SAE1: variants seen among roughly 807,000 people sequenced by gnomAD.
The protein encoded by SAE1 is SUMO1 activating enzyme subunit 1.
A neutral mutation model predicts 40.6 loss-of-function variants in SAE1; 11 were observed. The ratio of observed to expected loss-of-function variants is 0.27; its 90% CI spans 0.17 to 0.45. SAE1 has a LOEUF of 0.45. Among genes scored for constraint, SAE1 ranks in the 20% least tolerant of loss-of-function variants. The probability of loss-of-function intolerance (pLI) is 1.00; values close to 1 mark genes in which losing one functional copy is unlikely to be tolerated. For synonymous variants in SAE1, 155 were observed against 154.3 expected, an observed-to-expected ratio of 1.00 and a Z score of -0.03; for missense variants, 373 against 427.3, an observed-to-expected ratio of 0.87 and a Z score of 1.12.
At chr19:47,171,186 G>A (rs2058429432) in intron 6 of SAE1, among the ~76,000 whole-genome samples, 1 of 151,966 alleles carries the variant, frequency 6.6e-6, no homozygotes, top group South Asian at 2.1e-4. Context: ...TGTTGGCCAG[G>A]TTGGGCTCAC....
intron 7 of SAE1, among the ~76,000 whole-genome samples, chr19:47,200,227 C>G (rs900309912): frequency 2.7e-5 from 4 of 150,940 alleles, no homozygotes; most frequent in African/African-American, 9.7e-5. Context: ...GCCACCACGC[C>G]CAGCCTCTTT....
At chr19:47,150,559 G>T (rs1022157859) in intron 3 of SAE1, among the ~76,000 whole-genome samples, 184 bp downstream of exon 3, 6 of 152,198 alleles carry the variant, frequency 3.9e-5, no homozygotes, top group Non-Finnish European at 8.8e-5. Flanking sequence ...TGTTGCTAGA[G>T]AGGTCCAGTC....
chr19:47,149,692 T>C (rs2058275727), intron 2 of SAE1, among the ~76,000 whole-genome samples: 1 of 152,176 alleles, frequency 6.6e-6, no homozygotes, highest in African/African-American at 2.4e-5. Context: ...GGGGGTGCTC[T>C]TTAACCATCA....
At chr19:47,202,026 G>A (rs10424953) in intron 7 of SAE1, among the ~76,000 whole-genome samples, 45,019 of 151,962 alleles carry the variant, frequency 0.3, 6,799 homozygotes, top group South Asian at 0.43. Flanking sequence ...TGCTGGTCCT[G>A]GCCAGGGCGT....
At chr19:47,177,501 G>T (rs922352415) in intron 6 of SAE1, among the ~76,000 whole-genome samples, 8 of 152,068 alleles carry the variant, frequency 5.3e-5, no homozygotes, top group African/African-American at 1.9e-4. Flanking sequence ...TGGGACTACA[G>T]GCGTGTGCCA....
At chr19:47,172,833 G>A (rs8102394) in intron 6 of SAE1, among the ~76,000 whole-genome samples, 3 of 151,606 alleles carry the variant, frequency 2.0e-5, no homozygotes, top group Non-Finnish European at 4.4e-5. Flanking sequence ...TCTAGGACTT[G>A]CTCTGTGCCG....
At chr19:47,152,872 C>A in intron 3 of SAE1, 26 bp from the exon 4 acceptor site, 2 of 1,608,358 alleles carry the variant, frequency 1.2e-6, no homozygotes, top group East Asian at 2.2e-5. Context: ...AAAACTCAAA[C>A]CCAGCCAATT....
chr19:47,210,392 T>A lies in SAE1; in HGVS notation c.*1141T>A, dbSNP rs1208434604. 1 of 152,164 alleles carries A rather than the reference T, an allele frequency of 6.6e-6. No homozygotes were observed. Among genetic ancestry groups the A allele is most frequent in the Non-Finnish European group, 1.5e-5 (1 of 68,034 alleles). 9.4% of individuals were successfully genotyped at this position (152,164 alleles called of 1,614,324 possible). On this transcript the variant is annotated 3_prime_UTR_variant, in exon 9 of 9. Coordinates refer to ENST00000270225, the MANE Select transcript of SAE1 (RefSeq NM_005500.3). The stretch of plus-strand genomic sequence containing the variant: ...GTAGAAGCTTCTGGCTCCAGTTGTC[T>A]AATGGATAATTCAGCTAAATAGTGG...
chr19:47,179,510 A>G (rs1600191810), intron 6 of SAE1, among the ~76,000 whole-genome samples: 1 of 151,948 alleles, frequency 6.6e-6, no homozygotes, highest in African/African-American at 2.4e-5. Context: ...AGAAAAAAAA[A>G]AAAAGAAAAA....
chr19:47,164,639 C>CTTTTT (rs1166301382), intron 5 of SAE1, among the ~76,000 whole-genome samples: 6 of 78,390 alleles, frequency 7.7e-5, no homozygotes, highest in Non-Finnish European at 9.8e-5. Context: ...GAGAATTCAC[C>CTTTTT]TTTTTTTTTT....
At chr19:47,202,219 A>G (rs2058659601) in intron 7 of SAE1, among the ~76,000 whole-genome samples, 1 of 152,184 alleles carries the variant, frequency 6.6e-6, no homozygotes, top group Non-Finnish European at 1.5e-5. Context: ...AACAGCTTAA[A>G]TGTCCCTCAA....
At chr19:47,200,399 A>ATTT (rs35657499) in intron 7 of SAE1, among the ~76,000 whole-genome samples, 64 of 102,526 alleles carry the variant, frequency 6.2e-4, no homozygotes, top group African/African-American at 1.5e-3. Context: ...AGCCTGCCTA[A>ATTT]TTTTTTTTTT....
At chr19:47,163,328 A>G (rs1275346691) in intron 5 of SAE1, among the ~76,000 whole-genome samples, 1 of 152,198 alleles carries the variant, frequency 6.6e-6, no homozygotes, top group Non-Finnish European at 1.5e-5. Context: ...TCTGTACCAA[A>G]CATGTACAGA....
intron 2 of SAE1, among the ~76,000 whole-genome samples, chr19:47,145,188 G>T (rs1434607785): frequency 6.6e-6 from 1 of 152,076 alleles, no homozygotes; most frequent in Non-Finnish European, 1.5e-5. Flanking sequence ...TTTTAGTAGA[G>T]ACCGGGTTTC....
At chr19:47,159,098 G>C (rs1434727702) in intron 5 of SAE1, among the ~76,000 whole-genome samples, 1 of 152,154 alleles carries the variant, frequency 6.6e-6, no homozygotes, top group Non-Finnish European at 1.5e-5. Flanking sequence ...AAAAATTAAA[G>C]ACAAAGTAGG....
chr19:47,154,738 C>T (rs1003070250), intron 4 of SAE1, among the ~76,000 whole-genome samples: 6 of 152,112 alleles, frequency 3.9e-5, no homozygotes, highest in African/African-American at 1.2e-4. Flanking sequence ...TCAGGTGACA[C>T]GCCCGCCTTG....
chr19:47,131,233 T>G, intron 1 of SAE1: 1 of 1,294,504 alleles, frequency 7.7e-7, no homozygotes, highest in Non-Finnish European at 9.9e-7. Flanking sequence ...GGAGGGCCGT[T>G]CCGAAGGATG....
At chr19:47,139,934 T>C (rs2058208601) in intron 1 of SAE1, among the ~76,000 whole-genome samples, 1 of 143,486 alleles carries the variant, frequency 7.0e-6, no homozygotes, top group Non-Finnish European at 1.5e-5. Flanking sequence ...ACTTGGGTAT[T>C]TCTTTTTTTT....
intron 6 of SAE1, among the ~76,000 whole-genome samples, chr19:47,195,889 T>C (rs307897): frequency 0.96 from 142,809 of 149,464 alleles, 68,259 homozygotes; most frequent in East Asian, 1. Flanking sequence ...ACCACCATAC[T>C]TGGCTAAATT....
Sources: gnomAD v4.1 joint callset for allele counts (sites outside exome capture counted in the v4.1 genomes callset) on GRCh38, gnomAD v4.1.1 for gene constraint, MANE v1.5 for transcripts, NCBI Gene and HGNC (gene_info 2026-07-23, HGNC 2026-07-21) for gene names.